The following SEMA3F variants were observed in gnomAD, a reference collection of about 807,000 sequenced individuals.
The protein encoded by SEMA3F is semaphorin-3F.
Under a neutral mutation model 98.5 loss-of-function variants are expected in SEMA3F, and 30 were observed. That is an observed-to-expected ratio of 0.30 (90% confidence interval 0.23 to 0.41). The LOEUF (loss-of-function observed/expected upper bound fraction) is 0.41. Ranked by LOEUF, SEMA3F falls within the 10% of genes least tolerant of loss-of-function variation. The probability of loss-of-function intolerance (pLI) is 1.00; values close to 1 mark genes in which losing one functional copy is unlikely to be tolerated. For missense variants in SEMA3F, 866 were observed against 1,119.3 expected (o/e 0.77, Z 3.23); for synonymous variants, 380 against 444.8 (o/e 0.85, Z 1.83).
At chr3:50,160,341 C>G (rs1341698261) in intron 2 of SEMA3F, among the ~76,000 whole-genome samples, 1 of 152,158 alleles carries the variant, frequency 6.6e-6, no homozygotes, top group Non-Finnish European at 1.5e-5. Flanking sequence ...GGCCTGAGCT[C>G]CTGAGCTCCA....
In SEMA3F at chr3:50,184,871, G is replaced by T. The variant is rs1699152085; in HGVS notation, c.1456+57G>T. The T allele has an allele frequency of 5.2e-6, 7 of 1,343,340 alleles. No individual in the cohort carries two copies. The East Asian group carries it at 1.7e-4, about 33-fold the overall frequency. 83.2% of individuals were successfully genotyped at this position (1,343,340 alleles called of 1,614,324 possible). On this transcript the variant is annotated intron_variant, in intron 13 of 18. Transcript: ENST00000002829. Reference sequence around the variant, plus strand: ...CTGGGCCCACCGGGTGCGGGGTGCAGATCCTTGGGGCTGGGGCTTGCCCTG... The same window carrying T: ...CTGGGCCCACCGGGTGCGGGGTGCATATCCTTGGGGCTGGGGCTTGCCCTG...
At position 50,166,168 on chromosome 3, in the gene SEMA3F, G is replaced by C. The variant is rs1217306945; in HGVS notation, c.112+6434G>C. On this transcript the variant is annotated intron_variant, in intron 2 of 18. Coordinates refer to ENST00000002829, the MANE Select transcript of SEMA3F (RefSeq NM_004186.5). This position sits in a 1 kb window ranked among gnomAD's most constrained non-coding sequence, Gnocchi z 4.7. Reference sequence around the variant, plus strand: ...TGCCACCCCTCTTGGCTTCCTACCCGGACATGCTCTTTCCTCGGACGTCTC... The same window carrying C: ...TGCCACCCCTCTTGGCTTCCTACCCCGACATGCTCTTTCCTCGGACGTCTC... Among the ~76,000 whole-genome samples the C allele has an allele frequency of 7.4e-6, 1 of 135,092 alleles. No homozygotes were observed. The highest frequency in any genetic ancestry group is 1.5e-5 in the Non-Finnish European group (1 of 65,170). 88.6% of individuals were successfully genotyped at this position (135,092 alleles called of 152,430 possible). A position where few individuals can be genotyped will look rare whatever the true frequency, so the allele number is the denominator to read the frequency against.
At chr3:50,175,630 ACT>A (rs1366064286) in intron 6 of SEMA3F, among the ~76,000 whole-genome samples, 5 of 151,546 alleles carry the variant, frequency 3.3e-5, no homozygotes, top group Admixed American at 3.3e-4. Context: ...TGTCCTGCAC[ACT>A]CATGTGCTTG....
rs866358074 is a variant in SEMA3F, at chr3:50,183,519, G to T, written c.1188G>T (p.Gln396His). 1 of 1,614,118 alleles carries T rather than the reference G, an allele frequency of 6.2e-7. No homozygotes were observed. Among genetic ancestry groups the T allele is most frequent in the Middle Eastern group, 1.6e-4 (1 of 6,062 alleles). Residue 396 changes from glutamine (Q) to histidine (H), a missense_variant, in exon 12 of 19, where the codon CAG (glutamine) becomes CAT (histidine). Transcript: ENST00000002829. ...PFAHKEGPNY[Q>H]WMPFSGKMPY... Reference sequence around the variant, plus strand: ...CCCACAAAGAGGGGCCCAACTACCAGTGGATGCCCTTCTCAGGGAAGATGC... The same window carrying T: ...CCCACAAAGAGGGGCCCAACTACCATTGGATGCCCTTCTCAGGGAAGATGC...
At chr3:50,184,157 G>A (rs531015165) in intron 12 of SEMA3F, 75 of 238,352 alleles carry the variant, frequency 3.1e-4, no homozygotes, top group African/African-American at 1.6e-3. Context: ...CATGACGGGG[G>A]GCAGGCTGAG....
intron 12 of SEMA3F, 107 bp from the exon 13 acceptor site, chr3:50,184,485 A>G (rs1699135754): frequency 2.7e-6 from 2 of 748,644 alleles, no homozygotes; most frequent in African/African-American, 1.7e-5. Context: ...GGAGAGGAGC[A>G]GGTTGAGGTA....
rs115563719 is a variant in SEMA3F at position 50,171,667 on chromosome 3, G to A, written c.113-2126G>A. On this transcript the variant is annotated intron_variant, in intron 2 of 18. Coordinates refer to ENST00000002829, the MANE Select transcript of SEMA3F (RefSeq NM_004186.5). ...CTCTCTGGCCACTTCCCAGCCCTGGGGGTGGGGGAATGTTTACTTTCCTGT... is the reference window on the plus strand; with the variant it reads ...CTCTCTGGCCACTTCCCAGCCCTGGAGGTGGGGGAATGTTTACTTTCCTGT... Among the ~76,000 whole-genome samples, 1,093 of 152,280 alleles carry A rather than the reference G, an allele frequency of 7.2e-3. 13 individuals carry two copies. The highest frequency in any genetic ancestry group is 0.024 in the African/African-American group (1,016 of 41,554).
chr3:50,160,084 C>T (rs1352938973), intron 2 of SEMA3F, among the ~76,000 whole-genome samples: 1 of 152,200 alleles, frequency 6.6e-6, no homozygotes, highest in Non-Finnish European at 1.5e-5. Context: ...TGCGGCCCCT[C>T]CTTGCCACTG....
At position 50,188,141 on chromosome 3, in the gene SEMA3F, G is replaced by C; in HGVS notation, c.*26G>C. The C allele has an allele frequency of 1.4e-6, 2 of 1,411,944 alleles. No individual in the cohort carries two copies. Among genetic ancestry groups the C allele is most frequent in the Non-Finnish European group, 1.9e-6 (2 of 1,077,812 alleles). 87.5% of individuals were successfully genotyped at this position (1,411,944 alleles called of 1,614,324 possible). The stretch of plus-strand genomic sequence containing the variant: ...GGCCAGCTGCCTGTGCCTGCCATGG[G>C]CCAGCCTAGCCCTTGTCCCTTTTAA... On this transcript the variant is annotated 3_prime_UTR_variant, in exon 19 of 19. Transcript: ENST00000002829. This position sits in a 1 kb window ranked among gnomAD's most constrained non-coding sequence, Gnocchi z 4.5.
intron 2 of SEMA3F, among the ~76,000 whole-genome samples, chr3:50,160,703 C>T (rs576886612): frequency 5.1e-4 from 77 of 152,334 alleles, no homozygotes; most frequent in Non-Finnish European, 9.7e-4. Flanking sequence ...GCCAGATTTC[C>T]GGGCAGCCAT....
chr3:50,160,353 T>C (rs1362651141), intron 2 of SEMA3F, among the ~76,000 whole-genome samples: 1 of 152,162 alleles, frequency 6.6e-6, no homozygotes, highest in Non-Finnish European at 1.5e-5. Context: ...TGAGCTCCAG[T>C]GAGCACTTTG....
Position 50,167,928 on chromosome 3 carries a change from C to T in SEMA3F, c.113-5865C>T, listed in dbSNP as rs551726313. ...AGTGGCAGCTCTAGGTGGTGAAATA[C>T]GGTAACTGGGTCCCCAGTTCAGACA... On this transcript the variant is annotated intron_variant, in intron 2 of 18. Transcript: ENST00000002829. 2.5e-3 allele frequency among the ~76,000 whole-genome samples: 380 copies of T among 152,314 alleles called. 1 individual carries two copies. The highest frequency in any genetic ancestry group is 0.01 in the Middle Eastern group (3 of 294).
intron 18 of SEMA3F, among the ~76,000 whole-genome samples, chr3:50,187,214 G>A (rs1376043778): frequency 1.3e-5 from 2 of 152,132 alleles, no homozygotes; most frequent in Non-Finnish European, 2.9e-5. Context: ...ATTGCTTGAG[G>A]TCAGGGGTTC....
At chr3:50,174,983 C>A (rs1698753267) in intron 5 of SEMA3F, 113 bp from the exon 6 acceptor site, 3 of 719,208 alleles carry the variant, frequency 4.2e-6, no homozygotes, top group Non-Finnish European at 7.5e-6. Flanking sequence ...CTCTGGGGGG[C>A]CCACGTGTTC....
chr3:50,181,868 C>T (rs1699029998), intron 7 of SEMA3F, among the ~76,000 whole-genome samples: 1 of 152,216 alleles, frequency 6.6e-6, no homozygotes, highest in African/African-American at 2.4e-5. Context: ...GATCCACCCA[C>T]CTGGGCCTCC....
chr3:50,165,937 C>T lies in SEMA3F; in HGVS notation c.112+6203C>T, dbSNP rs577109336. Among the ~76,000 whole-genome samples the T allele has an allele frequency of 1.4e-4, 22 of 152,282 alleles. No individual in the cohort carries two copies. The South Asian group carries it at 3.5e-3, about 24-fold the overall frequency. On this transcript the variant is annotated intron_variant, in intron 2 of 18. Transcript: ENST00000002829. ...AGCCTGTTGGGGAGGGAGTGGGGCT[C>T]ATCGGGCTGACGGGCTGGGCTGACT...
chr3:50,168,627 C>A (rs1253455173), intron 2 of SEMA3F, among the ~76,000 whole-genome samples: 2 of 152,180 alleles, frequency 1.3e-5, no homozygotes, highest in African/African-American at 4.8e-5. Flanking sequence ...CGGCTGGCCG[C>A]TCATTAAAAG....
chr3:50,159,376 C>T lies in SEMA3F; in HGVS notation c.-48-199C>T, dbSNP rs1275355839. 8 of 472,250 alleles carry T rather than the reference C, an allele frequency of 1.7e-5. No individual in the cohort carries two copies. In the Admixed American group the frequency reaches 3.5e-4, roughly 21 times the overall value. The allele number at this position is 472,250 out of a possible 1,614,324, so 29.3% of individuals were successfully genotyped here. On this transcript the variant is annotated intron_variant, in intron 1 of 18. Transcript: ENST00000002829. The stretch of plus-strand genomic sequence containing the variant: ...CAGCCCCCATCAGTTCTGGTGACCC[C>T]AGGCTGGGGCCTATTGGTACTATCT...
intron 2 of SEMA3F, among the ~76,000 whole-genome samples, chr3:50,163,646 G>A (rs1698297765): frequency 2.6e-5 from 4 of 152,256 alleles, no homozygotes; most frequent in Admixed American, 2.0e-4. Context: ...GTAGGGGTGG[G>A]GCTGGAGAGC....
Sources: allele counts gnomAD v4.1 joint callset (sites outside exome capture counted in the v4.1 genomes callset), GRCh38; gene constraint gnomAD v4.1.1; non-coding constraint Gnocchi (gnomAD v3.1); transcripts MANE v1.5; gene names NCBI Gene and HGNC (gene_info 2026-07-23, HGNC 2026-07-21).